The following PGM5 variants were observed in gnomAD, a reference collection of about 807,000 sequenced individuals.
PGM5 encodes phosphoglucomutase 5.
In PGM5, 23 loss-of-function variants were observed where a neutral mutation model predicts 59.2. That is an observed-to-expected ratio of 0.39 (90% confidence interval 0.28 to 0.55). The LOEUF is 0.55. Ranked by LOEUF, PGM5 falls within the 20% of genes least tolerant of loss-of-function variation. The probability of loss-of-function intolerance (pLI) is 0.66; values close to 1 mark genes in which losing one functional copy is unlikely to be tolerated. For synonymous variants in PGM5, 214 were observed against 286.0 expected (o/e 0.75, Z 2.54); for missense variants, 574 against 748.3 (o/e 0.77, Z 2.72).
At chr9:68,458,788 T>A (rs184909588) in intron 6 of PGM5, among the ~76,000 whole-genome samples, 16 of 152,336 alleles carry the variant, frequency 1.1e-4, no homozygotes, top group African/African-American at 3.8e-4. Context: ...ATTTTATTAA[T>A]ACCTGAAAGT....
At chr9:68,493,184 C>G (rs1420559279) in intron 9 of PGM5, among the ~76,000 whole-genome samples, 1 of 152,278 alleles carries the variant, frequency 6.6e-6, no homozygotes, top group East Asian at 1.9e-4. Context: ...TACAACATGT[C>G]CTACAGTCTC....
At chr9:68,444,062 CT>C (rs71920005) in intron 6 of PGM5, among the ~76,000 whole-genome samples, 2,621 of 131,532 alleles carry the variant, frequency 0.02, 27 homozygotes, top group African/African-American at 0.047. Context: ...TTCTTTCTTT[CT>C]TTTTTTTTTT....
chr9:68,380,995 A>C (rs370460027), intron 2 of PGM5, among the ~76,000 whole-genome samples: 3 of 152,108 alleles, frequency 2.0e-5, no homozygotes, highest in East Asian at 3.9e-4. Context: ...GCTGAATTTT[A>C]TCAAACATTC....
intron 10 of PGM5, among the ~76,000 whole-genome samples, chr9:68,501,058 GT>G (rs1210455844): frequency 6.6e-6 from 1 of 152,052 alleles, no homozygotes; most frequent in Non-Finnish European, 1.5e-5. Flanking sequence ...AGTCATGCTG[GT>G]TTTGGTCCCC....
chr9:68,401,294 C>A (rs1377077094), intron 6 of PGM5, among the ~76,000 whole-genome samples: 23 of 150,862 alleles, frequency 1.5e-4, no homozygotes, highest in Non-Finnish European at 3.0e-4. Context: ...TGTTAAGTAA[C>A]CCAAGTGCTA....
intron 6 of PGM5, among the ~76,000 whole-genome samples, chr9:68,406,700 A>AG (rs1822823606): frequency 1.2e-5 from 1 of 85,562 alleles, no homozygotes; most frequent in Non-Finnish European, 2.4e-5. Context: ...ATATATATAT[A>AG]TATATATATA....
At chr9:68,380,552 A>C (rs1344236626) in intron 2 of PGM5, among the ~76,000 whole-genome samples, 1 of 151,942 alleles carries the variant, frequency 6.6e-6, no homozygotes, top group African/African-American at 2.4e-5. Context: ...AGAAAGAACA[A>C]ACTAAACCCA....
At chr9:68,450,010 G>C (rs1056104951) in intron 6 of PGM5, among the ~76,000 whole-genome samples, 1 of 152,134 alleles carries the variant, frequency 6.6e-6, no homozygotes, top group Non-Finnish European at 1.5e-5. Context: ...GGTTTGACCA[G>C]TATAGTCAGC....
At chr9:68,435,930 G>C (rs1314548408) in intron 6 of PGM5, among the ~76,000 whole-genome samples, 1 of 152,206 alleles carries the variant, frequency 6.6e-6, no homozygotes, top group African/African-American at 2.4e-5. Context: ...TAGGTGATTT[G>C]TTAGTAACTT....
At chr9:68,434,614 C>T (rs946122201) in intron 6 of PGM5, among the ~76,000 whole-genome samples, 1 of 152,062 alleles carries the variant, frequency 6.6e-6, no homozygotes, top group Non-Finnish European at 1.5e-5. Flanking sequence ...TGAGACCAGC[C>T]TGGACAACAT....
At chr9:68,427,634 T>A (rs189876042) in intron 6 of PGM5, among the ~76,000 whole-genome samples, 19 of 152,342 alleles carry the variant, frequency 1.2e-4, no homozygotes, top group Middle Eastern at 6.8e-3. Flanking sequence ...ATGCTTTCCA[T>A]TTGCCTATTG....
At position 68,358,937 on chromosome 9, in the gene PGM5, G is replaced by A. The variant is rs529054960; in HGVS notation, c.261+1549G>A. ...AGAATCAGGGAGTTGAAGAGAGGTT[G>A]ACAAATGGTCTTTCACTCTTCTCTG... On this transcript the variant is annotated intron_variant, in intron 1 of 10. Transcript: ENST00000396396. 2.6e-5 allele frequency among the ~76,000 whole-genome samples: 4 copies of A among 152,226 alleles called. No homozygotes were observed. The South Asian group carries it at 8.3e-4, about 32-fold the overall frequency.
intron 1 of PGM5, among the ~76,000 whole-genome samples, chr9:68,372,431 C>T (rs141147434): frequency 0.028 from 4,235 of 151,908 alleles, 90 homozygotes; most frequent in East Asian, 0.12. Flanking sequence ...TGGAAGTGGC[C>T]CAAATTAACC....
chr9:68,459,597 C>T (rs530775365), intron 6 of PGM5, among the ~76,000 whole-genome samples: 4 of 152,290 alleles, frequency 2.6e-5, no homozygotes, highest in African/African-American at 7.2e-5. Flanking sequence ...TAAATAAATA[C>T]ACCACAGTTG....
chr9:68,437,118 T>C lies in PGM5; in HGVS notation c.1044-27975T>C, dbSNP rs1299159732. Among the ~76,000 whole-genome samples, 1 of 152,248 alleles carries C rather than the reference T, an allele frequency of 6.6e-6. No homozygotes were observed. The highest frequency in any genetic ancestry group is 2.4e-5 in the African/African-American group (1 of 41,460). On this transcript the variant is annotated intron_variant, in intron 6 of 10. Transcript: ENST00000396396. The surrounding 1 kb of genome is among the most constrained non-coding windows in gnomAD (Gnocchi z 4.1). ...TGTTTGTAGCATACATTTGGCTTCA[T>C]TATCTCCATCAGTTCACATCACTTT... is the stretch of plus-strand genomic sequence containing the variant.
intron 2 of PGM5, among the ~76,000 whole-genome samples, chr9:68,381,639 T>C (rs28873109): frequency 0.3 from 38,975 of 128,744 alleles, 5,291 homozygotes; most frequent in Admixed American, 0.37. Flanking sequence ...ATTCTACACA[T>C]GCACACACAC....
intron 6 of PGM5, among the ~76,000 whole-genome samples, chr9:68,423,655 GTCTCTC>G (rs111849049): frequency 0.48 from 70,233 of 145,866 alleles, 16,991 homozygotes; most frequent in South Asian, 0.56. Context: ...CTCTCTCTCT[GTCTCTC>G]TCTCTCTCTC....
intron 2 of PGM5, among the ~76,000 whole-genome samples, chr9:68,381,963 A>G (rs1329370674): frequency 6.6e-6 from 1 of 151,980 alleles, no homozygotes; most frequent in Non-Finnish European, 1.5e-5. Flanking sequence ...ACTACCAAAA[A>G]CAATATACAG....
intron 6 of PGM5, among the ~76,000 whole-genome samples, chr9:68,407,667 C>T (rs1164535426): frequency 6.6e-6 from 1 of 152,206 alleles, no homozygotes; most frequent in East Asian, 1.9e-4. Flanking sequence ...TTATCCCTAC[C>T]ACTACTTCTG....
Sources: allele counts gnomAD v4.1 joint callset (sites outside exome capture counted in the v4.1 genomes callset), GRCh38; gene constraint gnomAD v4.1.1; non-coding constraint Gnocchi (gnomAD v3.1); transcripts MANE v1.5; gene names NCBI Gene and HGNC (gene_info 2026-07-23, HGNC 2026-07-21).